Variants in TENT2 observed in about 807,000 individuals in gnomAD.
TENT2 encodes the protein poly(A) RNA polymerase GLD2.
TENT2 carries 44 observed loss-of-function variants against 72.2 expected under a neutral mutation model. The ratio of observed to expected loss-of-function variants is 0.61; its 90% CI spans 0.48 to 0.78. The LOEUF (loss-of-function observed/expected upper bound fraction) is 0.78, where lower values mean the gene tolerates loss of function less well. TENT2 is among the 30% of genes least tolerant of loss of function. The probability of loss-of-function intolerance (pLI) is 0.00; values close to 1 mark genes in which losing one functional copy is unlikely to be tolerated. For missense variants in TENT2, 541 were observed against 569.6 expected (o/e 0.95, Z 0.51); for synonymous variants, 212 against 192.5 (o/e 1.10, Z -0.84).
chr5:79,613,780 T>A (rs1401334833), intron 1 of TENT2, among the ~76,000 whole-genome samples: 8 of 152,224 alleles, frequency 5.3e-5, no homozygotes, highest in Non-Finnish European at 1.2e-4. Flanking sequence ...GAATATCCTG[T>A]TCAAAACCTG....
At chr5:79,623,626 A>G (rs2150010257) in intron 4 of TENT2, 137 bp downstream of exon 4, 1 of 501,310 alleles carries the variant, frequency 2.0e-6, no homozygotes, top group South Asian at 4.7e-5. Flanking sequence ...ATTCAGCCTA[A>G]TTTTCTGTCC....
chr5:79,663,589 A>G (rs532249457), intron 11 of TENT2, among the ~76,000 whole-genome samples: 1 of 152,336 alleles, frequency 6.6e-6, no homozygotes, highest in Non-Finnish European at 1.5e-5. Flanking sequence ...CAGTGGAGCA[A>G]TTGGAATACA....
Position 79,686,981 on chromosome 5 carries a change from T to A in TENT2, c.*1708T>A, listed in dbSNP as rs1211984224. The stretch of plus-strand genomic sequence containing the variant: ...AAGCATTAGTCATAGTACTATTCAG[T>A]AATACTGTGCAACTTTCAGGGATGG... On this transcript the variant is annotated 3_prime_UTR_variant, in exon 15 of 15. Coordinates refer to ENST00000453514, the MANE Select transcript of TENT2 (RefSeq NM_001114394.3). 6.6e-6 allele frequency among the ~76,000 whole-genome samples: 1 copy of A among 152,182 alleles called. No individual in the cohort carries two copies.
intron 6 of TENT2, among the ~76,000 whole-genome samples, chr5:79,642,053 C>T (rs928262393): frequency 2.6e-5 from 4 of 151,838 alleles, no homozygotes; most frequent in African/African-American, 9.7e-5. Flanking sequence ...CTTGAGGCAG[C>T]CTTTTTAAGA....
intron 3 of TENT2, among the ~76,000 whole-genome samples, chr5:79,622,960 A>G (rs1221736533): frequency 6.6e-6 from 1 of 152,142 alleles, no homozygotes; most frequent in Non-Finnish European, 1.5e-5. Context: ...TTTCCTACAA[A>G]GTTTTCACTA....
At chr5:79,614,349 C>T (rs1340778395) in intron 1 of TENT2, among the ~76,000 whole-genome samples, 1 of 151,994 alleles carries the variant, frequency 6.6e-6, no homozygotes, top group Non-Finnish European at 1.5e-5. Flanking sequence ...GTGATCCATC[C>T]GCCTCGGCCT....
chr5:79,617,130 A>G (rs1760869211), intron 1 of TENT2, among the ~76,000 whole-genome samples: 1 of 151,684 alleles, frequency 6.6e-6, no homozygotes, highest in African/African-American at 2.4e-5. Flanking sequence ...TAAAAAAAAA[A>G]AGAAAAGAAA....
chr5:79,683,326 C>G (rs1298742684), intron 14 of TENT2, among the ~76,000 whole-genome samples: 1 of 151,578 alleles, frequency 6.6e-6, no homozygotes, highest in Non-Finnish European at 1.5e-5. Flanking sequence ...CACACACACA[C>G]ACACACACAC....
In TENT2 at chr5:79,656,939, A is replaced by G; in HGVS notation, c.1028-19A>G. ...GAGTCACGTGAATCACGGAAGCTTTAAACTTTTTCTTTTTATAGCCCTACC... is the reference window on the plus strand; with the variant it reads ...GAGTCACGTGAATCACGGAAGCTTTGAACTTTTTCTTTTTATAGCCCTACC... On this transcript the variant is annotated intron_variant, in intron 10 of 14. Coordinates refer to ENST00000453514, the MANE Select transcript of TENT2 (RefSeq NM_001114394.3). 2 of 1,591,820 alleles carry G rather than the reference A, an allele frequency of 1.3e-6. No homozygotes were observed. The highest frequency in any genetic ancestry group is 1.1e-5 in the South Asian group (1 of 87,438).
Position 79,649,166 on chromosome 5 carries a change from T to C in TENT2, c.1003T>C (p.Leu335=), listed in dbSNP as rs757716401. Reference sequence around the variant, plus strand: ...TACTTTAAGCAGCTATAGTCTTGTATTGATGGTTTTGCACTATTTACAAAG... The same window carrying C: ...TACTTTAAGCAGCTATAGTCTTGTACTGATGGTTTTGCACTATTTACAAAG... ...RGTLSSYSLV[L]MVLHYLQTLP... is the part of the protein sequence containing the mutation. The change falls in exon 10 of 15, where the codon TTG becomes CTG. Residue 335 remains leucine, a synonymous_variant. Coordinates refer to ENST00000453514, the MANE Select transcript of TENT2 (RefSeq NM_001114394.3). 1 of 1,613,414 alleles carries C rather than the reference T, an allele frequency of 6.2e-7. No homozygotes were observed. The highest frequency in any genetic ancestry group is 1.1e-5 in the South Asian group (1 of 91,046).
intron 11 of TENT2, chr5:79,668,599 A>G (rs1209819341): frequency 2.1e-5 from 5 of 240,600 alleles, no homozygotes; most frequent in East Asian, 9.6e-5. Flanking sequence ...CTTGGTTTGT[A>G]TAGTAAGGTT....
intron 4 of TENT2, among the ~76,000 whole-genome samples, chr5:79,625,497 C>T (rs750781800): frequency 1.2e-4 from 18 of 152,012 alleles, no homozygotes; most frequent in Admixed American, 1.0e-3. Flanking sequence ...AGATTAATGC[C>T]TATGTGCTAA....
At chr5:79,625,162 A>G (rs1768465873) in intron 4 of TENT2, among the ~76,000 whole-genome samples, 1 of 152,216 alleles carries the variant, frequency 6.6e-6, no homozygotes, top group South Asian at 2.1e-4. Flanking sequence ...GATATTGAGC[A>G]TCTTTTCATT....
intron 7 of TENT2, among the ~76,000 whole-genome samples, chr5:79,643,903 T>A (rs1189751285): frequency 1.3e-5 from 2 of 152,134 alleles, no homozygotes; most frequent in South Asian, 4.1e-4. Flanking sequence ...TCAGAACCTG[T>A]ACTTATTACT....
chr5:79,684,495 A>C (rs367839094), intron 14 of TENT2, among the ~76,000 whole-genome samples: 109 of 152,278 alleles, frequency 7.2e-4, no homozygotes, highest in African/African-American at 2.6e-3. Context: ...AGCTCAAGTG[A>C]TCTGCCCACC....
Position 79,645,178 on chromosome 5 carries a change from C to T in TENT2, c.807C>T (p.Phe269=), listed in dbSNP as rs2150055716. The T allele has an allele frequency of 6.2e-7, 1 of 1,607,500 alleles. No individual in the cohort carries two copies. Among genetic ancestry groups the T allele is most frequent in the South Asian group, 1.1e-5 (1 of 89,896 alleles). The change falls in exon 8 of 15, where the codon TTC becomes TTT. Residue 269 remains phenylalanine (F), a synonymous_variant. Coordinates refer to ENST00000453514, the MANE Select transcript of TENT2 (RefSeq NM_001114394.3). ...GAGCAAAAGTGCCAATTGTGAAGTT[C>T]AGGGATAAAGTCAGGTAAATAATTA... The part of the protein sequence containing the change: ...LIRAKVPIVK[F]RDKVSCVEFD...
chr5:79,663,852 C>T (rs1805021705), intron 11 of TENT2, among the ~76,000 whole-genome samples: 1 of 152,168 alleles, frequency 6.6e-6, no homozygotes, highest in South Asian at 2.1e-4. Flanking sequence ...TTTGTAAAAA[C>T]TGCAGTATCT....
chr5:79,643,533 G>C lies in TENT2; in HGVS notation c.751+623G>C, dbSNP rs117051403. ...GTTGAAGTTACACTGTGTGATATTG[G>C]AAAGACACTTGTCCATTTGTTGAAC... On this transcript the variant is annotated intron_variant, in intron 7 of 14. Transcript: ENST00000453514. 6.6e-5 allele frequency among the ~76,000 whole-genome samples: 10 copies of C among 152,222 alleles called. No homozygotes were observed. The East Asian group carries it at 1.9e-3, about 29-fold the overall frequency.
At position 79,642,949 on chromosome 5, in the gene TENT2, G is replaced by C. The variant is rs368438700; in HGVS notation, c.751+39G>C. On this transcript the variant is annotated intron_variant, in intron 7 of 14. Transcript: ENST00000453514. ...GCCTCAAGTTTGTATGTCACCTGAC[G>C]TAACTTTACTTAAAATGCCTCTTAC... 23 of 1,596,094 alleles carry C rather than the reference G, an allele frequency of 1.4e-5. No individual in the cohort carries two copies. The African/African-American group carries it at 2.4e-4, about 17-fold the overall frequency.
Sources: gnomAD v4.1 joint callset for allele counts (sites outside exome capture counted in the v4.1 genomes callset) on GRCh38, gnomAD v4.1.1 for gene constraint, MANE v1.5 for transcripts, NCBI Gene and HGNC (gene_info 2026-07-23, HGNC 2026-07-21) for gene names.